Variants in AFAP1 observed in about 807,000 individuals in gnomAD.
AFAP1 encodes actin filament associated protein 1, also known as actin filament-associated protein 1.
Under a neutral mutation model 93.9 loss-of-function variants are expected in AFAP1, and 75 were observed. The observed-to-expected ratio is 0.80, with a 90% CI of 0.66 to 0.97. The LOEUF (loss-of-function observed/expected upper bound fraction) is 0.97, where lower values mean the gene tolerates loss of function less well. Ranked by LOEUF, AFAP1 falls within the 50% of genes least tolerant of loss-of-function variation. The pLI is 0.00. For missense variants in AFAP1, 1,201 were observed against 1,050.8 expected (o/e 1.14, Z -1.98); for synonymous variants, 517 against 430.7 (o/e 1.20, Z -2.48).
At chr4:7,867,852 C>A (rs1393489049) in intron 3 of AFAP1, among the ~76,000 whole-genome samples, 1 of 152,052 alleles carries the variant, frequency 6.6e-6, no homozygotes, top group African/African-American at 2.4e-5. Flanking sequence ...CTGTGGCAGG[C>A]CCAGGCAGAG....
chr4:7,879,983 C>A (rs148947503), intron 1 of AFAP1, among the ~76,000 whole-genome samples: 1 of 151,928 alleles, frequency 6.6e-6, no homozygotes, highest in South Asian at 2.1e-4. Flanking sequence ...TTCTTTCACT[C>A]AAGTGGTATA....
rs34764139 is a variant in AFAP1 at position 7,921,181 on chromosome 4, C to CTTTTTTTT, written c.-3+18467_-3+18474dup. Among the ~76,000 whole-genome samples, 36 of 95,110 alleles carry CTTTTTTTT rather than the reference C, an allele frequency of 3.8e-4. 1 individual carries two copies. The highest frequency in any genetic ancestry group is 1.2e-3 in the African/African-American group (28 of 23,492). The allele number at this position is 95,110 out of a possible 152,430, so 62.4% of individuals were successfully genotyped here. A position where few individuals can be genotyped will look rare whatever the true frequency, so the allele number is the denominator to read the frequency against. On this transcript the variant is annotated intron_variant, in intron 1 of 17. Transcript: ENST00000420658. ...CCTACCCTATAAAATGAGAGCAAAA[C>CTTTTTTTT]TTTTTTTTTTTTTTTTTTTTGAGAT...
chr4:7,768,996 G>T lies in AFAP1; in HGVS notation c.2266C>A (p.Arg756=), dbSNP rs2285761. The T allele has an allele frequency of 0.22, 354,595 of 1,610,524 alleles. 48,301 individuals are homozygous for T. Among genetic ancestry groups the T allele is most frequent in the East Asian group, 0.71 (31,809 of 44,734 alleles). Residue 756 remains arginine (R), a synonymous_variant, in exon 17 of 18, where the codon CGG becomes AGG. Coordinates refer to ENST00000420658, the MANE Select transcript of AFAP1 (RefSeq NM_001134647.2). ...GGCGAGTTTTCCAGGGTCCGGTGCC[G>T]GAACACTGGAGACTTAACGGAGAGA... ...GTSSPQSPVF[R]HRTLENSPIS...
chr4:7,838,021 A>G (rs527680797), intron 6 of AFAP1, among the ~76,000 whole-genome samples: 3 of 152,224 alleles, frequency 2.0e-5, no homozygotes, highest in African/African-American at 4.8e-5. Flanking sequence ...TTCAACAAAC[A>G]AAGAAAAAAG....
intron 3 of AFAP1, among the ~76,000 whole-genome samples, chr4:7,855,789 C>A (rs886860152): frequency 1.3e-5 from 2 of 152,226 alleles, no homozygotes; most frequent in African/African-American, 4.8e-5. Context: ...TGGCCACATG[C>A]CGTCCAGTTC....
intron 5 of AFAP1, 49 bp from the exon 6 acceptor site, chr4:7,838,752 G>C (rs1279972662): frequency 1.3e-6 from 2 of 1,588,622 alleles, no homozygotes; most frequent in African/African-American, 2.7e-5. Context: ...AGTTCGAACA[G>C]AAACACTGAG....
chr4:7,897,600 A>G (rs537541580), intron 1 of AFAP1, among the ~76,000 whole-genome samples: 1 of 151,950 alleles, frequency 6.6e-6, no homozygotes, highest in Non-Finnish European at 1.5e-5. Context: ...TCTTGGCTCA[A>G]TGCACCTCAG....
At chr4:7,797,883 G>GA (rs1344706238) in intron 10 of AFAP1, among the ~76,000 whole-genome samples, 2 of 152,184 alleles carry the variant, frequency 1.3e-5, no homozygotes. Context: ...GACGTAGAGA[G>GA]AAAGGGGCAC....
In AFAP1 at chr4:7,939,546, G is replaced by T; in HGVS notation, c.-3+110C>A. ...CGGTACCACCCGAGGCCGAGACAAAGCCCAGGCGCACGGACCCCGGACCCT... is the reference window on the plus strand; with the variant it reads ...CGGTACCACCCGAGGCCGAGACAAATCCCAGGCGCACGGACCCCGGACCCT... On this transcript the variant is annotated intron_variant, in intron 1 of 17. Coordinates refer to ENST00000420658, the MANE Select transcript of AFAP1 (RefSeq NM_001134647.2). The surrounding 1 kb of genome is among the most constrained non-coding windows in gnomAD (Gnocchi z 5.6). 2.7e-6 allele frequency: 1 copy of T among 371,806 alleles called. No individual in the cohort carries two copies. Among genetic ancestry groups the T allele is most frequent in the Non-Finnish European group, 5.3e-6 (1 of 189,842 alleles). 23.0% of individuals were successfully genotyped at this position (371,806 alleles called of 1,614,324 possible). A position where few individuals can be genotyped will look rare whatever the true frequency, so the allele number is the denominator to read the frequency against.
chr4:7,834,813 A>C (rs1712083169), intron 6 of AFAP1, among the ~76,000 whole-genome samples: 2 of 152,280 alleles, frequency 1.3e-5, no homozygotes, highest in South Asian at 4.1e-4. Flanking sequence ...ACGGAATGTA[A>C]CTTGGAGTTA....
At chr4:7,771,599 G>T (rs1257830143) in intron 16 of AFAP1, among the ~76,000 whole-genome samples, 1 of 152,136 alleles carries the variant, frequency 6.6e-6, no homozygotes, top group African/African-American at 2.4e-5. Context: ...TGCCAAAAGC[G>T]TCCACACACA....
chr4:7,813,280 G>A (rs1720206598), intron 8 of AFAP1, among the ~76,000 whole-genome samples: 1 of 152,212 alleles, frequency 6.6e-6, no homozygotes, highest in Non-Finnish European at 1.5e-5. Flanking sequence ...TAAAAGCTAA[G>A]AGAGAAGGTT....
intron 1 of AFAP1, among the ~76,000 whole-genome samples, chr4:7,874,067 C>T (rs1717307407): frequency 6.6e-6 from 1 of 152,306 alleles, no homozygotes; most frequent in East Asian, 1.9e-4. Context: ...ATTTATATTG[C>T]CTAATGTCAT....
intron 2 of AFAP1, among the ~76,000 whole-genome samples, chr4:7,871,611 G>C (rs542932980): frequency 6.6e-6 from 1 of 152,190 alleles, no homozygotes; most frequent in African/African-American, 2.4e-5. Flanking sequence ...CTGCCAGTCG[G>C]ACTGTGCATC....
At chr4:7,910,741 C>T (rs1173908192) in intron 1 of AFAP1, among the ~76,000 whole-genome samples, 1 of 152,252 alleles carries the variant, frequency 6.6e-6, no homozygotes, top group Non-Finnish European at 1.5e-5. Context: ...TGCGAGCCTA[C>T]TAAGTGGCCA....
At chr4:7,765,443 C>CA in intron 17 of AFAP1, among the ~76,000 whole-genome samples, 1 of 152,368 alleles carries the variant, frequency 6.6e-6, no homozygotes, top group African/African-American at 2.4e-5. Context: ...CATGTCACAG[C>CA]AATAGATGTA....
At chr4:7,850,040 A>G (rs1183304260) in intron 4 of AFAP1, among the ~76,000 whole-genome samples, 2 of 152,128 alleles carry the variant, frequency 1.3e-5, no homozygotes, top group African/African-American at 2.4e-5. Flanking sequence ...TTTGGCTTTA[A>G]CTTTTGAGTG....
chr4:7,837,227 G>A (rs980759726), intron 6 of AFAP1, among the ~76,000 whole-genome samples: 1 of 152,142 alleles, frequency 6.6e-6, no homozygotes, highest in Non-Finnish European at 1.5e-5. Context: ...GAGACTCTAG[G>A]ACTGAACACT....
At chr4:7,883,593 G>C (rs1407847289) in intron 1 of AFAP1, among the ~76,000 whole-genome samples, 2 of 152,148 alleles carry the variant, frequency 1.3e-5, no homozygotes, top group Admixed American at 6.5e-5. Flanking sequence ...ATTTCTATTG[G>C]CAGCTGATGT....
Sources: gnomAD v4.1 joint callset for allele counts (sites outside exome capture counted in the v4.1 genomes callset) on GRCh38, gnomAD v4.1.1 for gene constraint, Gnocchi (gnomAD v3.1) non-coding constraint, MANE v1.5 for transcripts, NCBI Gene and HGNC (gene_info 2026-07-23, HGNC 2026-07-21) for gene names.